The following CA10 variants were observed in gnomAD, a reference collection of about 807,000 sequenced individuals.
CA10 encodes the protein carbonic anhydrase 10 (inactive), also known as carbonic anhydrase-related protein 10.
CA10 carries 14 observed loss-of-function variants against 44.2 expected under a neutral mutation model. The ratio of observed to expected loss-of-function variants is 0.32; its 90% CI spans 0.21 to 0.50. The LOEUF is 0.50. CA10 is among the 20% of genes least tolerant of loss of function. CA10 has a pLI of 0.99. For synonymous variants in CA10, 159 were observed against 141.6 expected, an observed-to-expected ratio of 1.12 and a Z score of -0.87; for missense variants, 350 against 409.7, an observed-to-expected ratio of 0.85 and a Z score of 1.26.
At chr17:51,852,432 T>C (rs1172906578) in intron 3 of CA10, among the ~76,000 whole-genome samples, 1 of 152,210 alleles carries the variant, frequency 6.6e-6, no homozygotes, top group Non-Finnish European at 1.5e-5. Flanking sequence ...AGTTAATATG[T>C]GTCACATATA....
intron 3 of CA10, among the ~76,000 whole-genome samples, chr17:51,807,631 G>A (rs1907185354): frequency 6.6e-6 from 1 of 152,216 alleles, no homozygotes; most frequent in Non-Finnish European, 1.5e-5. Context: ...GTGGTAGAAT[G>A]AGTGCTTACA....
chr17:52,009,731 C>CA (rs1985720326), intron 2 of CA10, among the ~76,000 whole-genome samples: 1 of 151,858 alleles, frequency 6.6e-6, no homozygotes, highest in African/African-American at 2.4e-5. Context: ...GCAAATTCAA[C>CA]AAAAACAAAG....
intron 2 of CA10, among the ~76,000 whole-genome samples, chr17:52,060,428 C>G (rs1488562942): frequency 6.6e-6 from 1 of 152,008 alleles, no homozygotes; most frequent in East Asian, 1.9e-4. Flanking sequence ...GTTTAGTTTA[C>G]CAGTAATGTA....
chr17:51,748,114 CCTT>C (rs1904768997), intron 3 of CA10, among the ~76,000 whole-genome samples: 1 of 152,122 alleles, frequency 6.6e-6, no homozygotes, highest in African/African-American at 2.4e-5. Flanking sequence ...ATGAATTTGT[CCTT>C]CTTACTATAA....
intron 4 of CA10, among the ~76,000 whole-genome samples, chr17:51,736,465 G>C (rs1037592038): frequency 6.6e-6 from 1 of 152,202 alleles, no homozygotes; most frequent in Non-Finnish European, 1.5e-5. Flanking sequence ...ACTGGTGCCA[G>C]GATGCTAAGT....
intron 2 of CA10, among the ~76,000 whole-genome samples, chr17:51,970,316 CA>C (rs1265875893): frequency 1.3e-5 from 2 of 151,306 alleles, no homozygotes; most frequent in Admixed American, 1.3e-4. Context: ...AGGAATTATC[CA>C]AAAAGGCATT....
chr17:51,889,845 T>C (rs7221231), intron 3 of CA10, among the ~76,000 whole-genome samples: 20,388 of 152,186 alleles, frequency 0.13, 2,167 homozygotes, highest in African/African-American at 0.3. Context: ...GTGTTTTTGC[T>C]AAAGAATTTG....
intron 3 of CA10, among the ~76,000 whole-genome samples, chr17:51,891,125 C>T (rs1461830299): frequency 1.3e-5 from 2 of 151,870 alleles, no homozygotes; most frequent in African/African-American, 4.8e-5. Flanking sequence ...ACGAAATAGC[C>T]CAAAACAATC....
At chr17:51,913,794 C>A (rs1981882865) in intron 3 of CA10, among the ~76,000 whole-genome samples, 1 of 152,146 alleles carries the variant, frequency 6.6e-6, no homozygotes, top group Non-Finnish European at 1.5e-5. Flanking sequence ...AATACCATTG[C>A]AATCAAAGCC....
chr17:51,943,454 G>C (rs1289480230), intron 2 of CA10, among the ~76,000 whole-genome samples: 1 of 152,202 alleles, frequency 6.6e-6, no homozygotes, highest in African/African-American at 2.4e-5. Flanking sequence ...AAAATCTCTT[G>C]TATTCAAAAT....
intron 3 of CA10, among the ~76,000 whole-genome samples, chr17:51,754,414 T>G (rs1905010145): frequency 1.6e-5 from 1 of 62,122 alleles, no homozygotes; most frequent in Non-Finnish European, 3.2e-5. Context: ...TATATATATA[T>G]ATATATATAT....
intron 1 of CA10, among the ~76,000 whole-genome samples, chr17:52,106,412 GGT>G (rs1238174635): frequency 6.6e-6 from 1 of 152,188 alleles, no homozygotes; most frequent in African/African-American, 2.4e-5. Flanking sequence ...GGAAAAGGGA[GGT>G]GTGAGAAATG....
intron 4 of CA10, among the ~76,000 whole-genome samples, chr17:51,741,320 C>G (rs1904453053): frequency 6.6e-6 from 1 of 152,164 alleles, no homozygotes; most frequent in Admixed American, 6.5e-5. Context: ...TGGGATAGGG[C>G]TAGGTGGGGT....
intron 1 of CA10, among the ~76,000 whole-genome samples, chr17:52,121,277 T>C (rs1012742893): frequency 2.0e-5 from 3 of 152,304 alleles, no homozygotes; most frequent in Non-Finnish European, 4.4e-5. Flanking sequence ...CATCTCTGGT[T>C]AGTTGGTTTG....
chr17:51,748,922 A>G (rs1904798954), intron 3 of CA10, among the ~76,000 whole-genome samples: 2 of 152,146 alleles, frequency 1.3e-5, no homozygotes, highest in Admixed American at 1.3e-4. Flanking sequence ...CATAATGCTC[A>G]CCAAATATTC....
intron 1 of CA10, among the ~76,000 whole-genome samples, chr17:52,109,077 A>C (rs1207285952): frequency 6.6e-6 from 1 of 152,190 alleles, no homozygotes; most frequent in African/African-American, 2.4e-5. Flanking sequence ...TAAAGCCATC[A>C]ATTCTCCCCA....
chr17:51,960,226 A>C (rs1337225392), intron 2 of CA10, among the ~76,000 whole-genome samples: 1 of 152,126 alleles, frequency 6.6e-6, no homozygotes, highest in East Asian at 1.9e-4. Flanking sequence ...ATCCTTTATA[A>C]ATAAGAGAGA....
intron 4 of CA10, among the ~76,000 whole-genome samples, chr17:51,675,034 G>GC (rs948634876): frequency 9.9e-5 from 15 of 152,252 alleles, no homozygotes; most frequent in Admixed American, 4.6e-4. Context: ...ACAGCCTGTT[G>GC]CCCCCCGTTG....
At chr17:52,128,165 T>C (rs1989160093) in intron 1 of CA10, among the ~76,000 whole-genome samples, 1 of 152,334 alleles carries the variant, frequency 6.6e-6, no homozygotes, top group East Asian at 1.9e-4. Context: ...AATCATTCCC[T>C]TCTCTGCTCT....
Sources: allele counts gnomAD v4.1 joint callset (sites outside exome capture counted in the v4.1 genomes callset), GRCh38; gene constraint gnomAD v4.1.1; transcripts MANE v1.5; gene names NCBI Gene and HGNC (gene_info 2026-07-23, HGNC 2026-07-21).